The following AOX1 variants were observed in gnomAD, a reference collection of about 807,000 sequenced individuals.
AOX1 encodes the protein aldehyde oxidase.
In AOX1, 153 loss-of-function variants were observed where a neutral mutation model predicts 169.5. The ratio of observed to expected loss-of-function variants is 0.90; its 90% CI spans 0.79 to 1.03. The LOEUF (loss-of-function observed/expected upper bound fraction) is 1.03. AOX1 is among the 50% of genes least tolerant of loss of function. The pLI, the probability that AOX1 is intolerant of heterozygous loss-of-function variation, is 0.00. For missense variants in AOX1, 1,656 were observed against 1,663.9 expected, an observed-to-expected ratio of 1.00 and a Z score of 0.08; for synonymous variants, 562 against 581.9, an observed-to-expected ratio of 0.97 and a Z score of 0.49.
chr2:200,606,269 A>C (rs977259500), intron 10 of AOX1, among the ~76,000 whole-genome samples: 1 of 151,930 alleles, frequency 6.6e-6, no homozygotes, highest in Non-Finnish European at 1.5e-5. Flanking sequence ...GTTTTTGTCA[A>C]GTTTGTCAAA....
At chr2:200,623,840 A>C in intron 18 of AOX1, 21 bp from the exon 19 acceptor site, 1 of 1,613,220 alleles carries the variant, frequency 6.2e-7, no homozygotes. Flanking sequence ...CCTTGACAAC[A>C]AAGGTCTTTC....
rs377495891 is a variant in AOX1 at position 200,669,558 on chromosome 2, G to C, written c.3799-17G>C. 1 of 1,613,520 alleles carries C rather than the reference G, an allele frequency of 6.2e-7. No homozygotes were observed. On this transcript the variant is annotated splice_polypyrimidine_tract_variant and intron_variant, in intron 33 of 34. Coordinates refer to ENST00000374700, the MANE Select transcript of AOX1 (RefSeq NM_001159.4). The stretch of plus-strand genomic sequence containing the variant: ...GAGAGAGAGAGGTATAATCTAGTTG[G>C]CATGCTTCCTTTCAAGGGTCTGGGA...
chr2:200,647,095 G>A (rs1331271452), intron 25 of AOX1, among the ~76,000 whole-genome samples: 1 of 151,958 alleles, frequency 6.6e-6, no homozygotes, highest in Non-Finnish European at 1.5e-5. Flanking sequence ...AGGTACCATT[G>A]CATTTGCCAT....
At chr2:200,635,527 T>G (rs759249916) in intron 21 of AOX1, among the ~76,000 whole-genome samples, 8 of 152,226 alleles carry the variant, frequency 5.3e-5, no homozygotes, top group Non-Finnish European at 8.8e-5. Context: ...CACAAAGAAG[T>G]CTTAAGTTTG....
At chr2:200,641,224 G>A (rs1428971281) in intron 24 of AOX1, 40 bp downstream of exon 24, 4 of 1,359,532 alleles carry the variant, frequency 2.9e-6, no homozygotes, top group Non-Finnish European at 4.2e-6. Flanking sequence ...CCTGAAAAGA[G>A]TGTTACATAA....
chr2:200,616,827 G>A (rs2034767474), intron 16 of AOX1, among the ~76,000 whole-genome samples: 1 of 152,146 alleles, frequency 6.6e-6, no homozygotes, highest in South Asian at 2.1e-4. Flanking sequence ...TAAAGCATTT[G>A]TTCACTGAAA....
At chr2:200,599,832 T>A in intron 5 of AOX1, 86 bp downstream of exon 5, 1 of 1,032,126 alleles carries the variant, frequency 9.7e-7, no homozygotes, top group South Asian at 3.3e-5. Flanking sequence ...TTGCCCGGGC[T>A]GGAGGGCGGC....
chr2:200,595,765 T>C (rs564885064), intron 3 of AOX1, among the ~76,000 whole-genome samples: 1 of 152,288 alleles, frequency 6.6e-6, no homozygotes, highest in South Asian at 2.1e-4. Flanking sequence ...AAGGCAAGGC[T>C]GAAATTGCAG....
chr2:200,616,032 C>T lies in AOX1; in HGVS notation c.1673C>T (p.Ser558Phe). Residue 558 changes from serine to phenylalanine, a missense_variant, in exon 16 of 35, where the codon TCC becomes TTC. Physicochemically the swap from Ser to Phe is radical, Grantham distance 155. Coordinates refer to ENST00000374700, the MANE Select transcript of AOX1 (RefSeq NM_001159.4). ...GAAAGTGCTTTAGAAGATCTTCATTCCAAACATCACTGCAGTACATTAAAG... is the reference window on the plus strand; with the variant it reads ...GAAAGTGCTTTAGAAGATCTTCATTTCAAACATCACTGCAGTACATTAAAG... ...KYESALEDLH[S>F]KHHCSTLKYQ... The T allele has an allele frequency of 6.2e-7, 1 of 1,613,700 alleles. No individual in the cohort carries two copies. The highest frequency in any genetic ancestry group is 1.3e-5 in the African/African-American group (1 of 75,032).
chr2:200,661,713 C>A (rs917301295), intron 30 of AOX1, 82 bp downstream of exon 30: 17 of 1,068,392 alleles, frequency 1.6e-5, no homozygotes, highest in Middle Eastern at 2.0e-4. Flanking sequence ...GCAATTTTGG[C>A]AAACGTTGAC....
intron 15 of AOX1, 76 bp downstream of exon 15, chr2:200,614,042 C>T (rs2034699542): frequency 7.5e-7 from 1 of 1,336,054 alleles, no homozygotes; most frequent in Non-Finnish European, 1.0e-6. Flanking sequence ...CAATGACTCC[C>T]TACCAAATAG....
At chr2:200,608,763 C>G (rs1574917276) in intron 10 of AOX1, among the ~76,000 whole-genome samples, 1 of 152,136 alleles carries the variant, frequency 6.6e-6, no homozygotes, top group Middle Eastern at 3.4e-3. Flanking sequence ...CACCACACCA[C>G]CCCCTCAACT....
rs2035790586 is a variant in AOX1 at position 200,660,031 on chromosome 2, A to C, written c.3337A>C (p.Ile1113Leu). Residue 1113 changes from isoleucine to leucine, a missense_variant, in exon 29 of 35, where the codon ATC (isoleucine) becomes CTC (leucine). Transcript: ENST00000374700. ...CQTLLKRLEP[I>L]ISKNPKGTWK... Reference sequence around the variant, plus strand: ...AACTCTTCTAAAACGCCTCGAACCCATCATCAGCAAGAATCCTAAAGGAAC... The same window carrying C: ...AACTCTTCTAAAACGCCTCGAACCCCTCATCAGCAAGAATCCTAAAGGAAC... 1.9e-6 allele frequency: 3 copies of C among 1,613,896 alleles called. No individual in the cohort carries two copies. The South Asian group carries it at 3.3e-5, about 18-fold the overall frequency.
rs751476985 is a variant in AOX1 at position 200,612,259 on chromosome 2, C to T, written c.1264-350C>T. 9.2e-5 allele frequency among the ~76,000 whole-genome samples: 14 copies of T among 152,156 alleles called. 2 individuals carry two copies. In the South Asian group the frequency reaches 1.4e-3, roughly 16 times the overall value. ...CTGAACTAATTACTGAATCCTTCTG[C>T]GCCTTGGATTCCTCATCTGTAAAAT... On this transcript the variant is annotated intron_variant, in intron 13 of 34. Coordinates refer to ENST00000374700, the MANE Select transcript of AOX1 (RefSeq NM_001159.4).
Position 200,660,185 on chromosome 2 carries a change from T to C in AOX1, c.3375+116T>C, listed in dbSNP as rs112795565. On this transcript the variant is annotated intron_variant, in intron 29 of 34. Coordinates refer to ENST00000374700, the MANE Select transcript of AOX1 (RefSeq NM_001159.4). ...AAGGGCATTTGCAAAGGTACCACCA[T>C]TGTGTAATGATAAATAAAAGGCCCT... 2,618 of 816,928 alleles carry C rather than the reference T, an allele frequency of 3.2e-3. 11 individuals carry two copies. Among genetic ancestry groups the C allele is most frequent in the Non-Finnish European group, 4.5e-3 (2,264 of 501,272 alleles). The allele number at this position is 816,928 out of a possible 1,614,324, so 50.6% of individuals were successfully genotyped here.
At chr2:200,622,465 C>G (rs1416613292) in intron 18 of AOX1, among the ~76,000 whole-genome samples, 1 of 152,200 alleles carries the variant, frequency 6.6e-6, no homozygotes, top group Non-Finnish European at 1.5e-5. Flanking sequence ...TGAAACAGTC[C>G]CTTCCTCTGG....
intron 12 of AOX1, among the ~76,000 whole-genome samples, chr2:200,610,337 G>A (rs748849242): frequency 3.5e-4 from 54 of 152,194 alleles, no homozygotes; most frequent in Middle Eastern, 3.2e-3. Context: ...CTCCCAAAGT[G>A]TTGGGATTAC....
chr2:200,651,232 G>A (rs766093149), intron 26 of AOX1, 31 bp downstream of exon 26: 2 of 1,592,280 alleles, frequency 1.3e-6, no homozygotes, highest in Non-Finnish European at 1.7e-6. Flanking sequence ...TGAGGATGCT[G>A]CCTGGAAGCA....
chr2:200,607,478 CA>C lies in AOX1; in HGVS notation c.908-1504del, dbSNP rs372357346. 2.9e-3 allele frequency among the ~76,000 whole-genome samples: 434 copies of C among 152,236 alleles called. 2 individuals carry two copies. Among genetic ancestry groups the C allele is most frequent in the Middle Eastern group, 0.01 (3 of 294 alleles). ...AAAGTCAGGAAACAATAAATGCTGG[CA>C]AGGCTGTGGAGAAATAGTAATGCTT... On this transcript the variant is annotated intron_variant, in intron 10 of 34. Transcript: ENST00000374700.
Sources: allele counts gnomAD v4.1 joint callset (sites outside exome capture counted in the v4.1 genomes callset), GRCh38; gene constraint gnomAD v4.1.1; transcripts MANE v1.5; gene names NCBI Gene and HGNC (gene_info 2026-07-23, HGNC 2026-07-21).